Variants in PCDHA10 observed in about 807,000 individuals in gnomAD.
The protein encoded by PCDHA10 is protocadherin alpha 10.
PCDHA10 carries 45 observed loss-of-function variants against 61.2 expected under a neutral mutation model. The observed-to-expected ratio is 0.74, with a 90% CI of 0.58 to 0.94. The LOEUF is 0.94. Ranked by LOEUF, PCDHA10 falls within the 40% of genes least tolerant of loss-of-function variation. PCDHA10 has a pLI of 0.00. For synonymous variants in PCDHA10, 602 were observed against 548.8 expected (o/e 1.10, Z -1.35); for missense variants, 1,278 against 1,236.2 (o/e 1.03, Z -0.51).
intron 1 of PCDHA10, chr5:140,883,267 T>C: frequency 6.2e-7 from 1 of 1,614,048 alleles, no homozygotes. Flanking sequence ...TGGCGGGTCA[T>C]TGTACCCTTT....
At chr5:140,926,549 C>A in intron 1 of PCDHA10, 1 of 231,836 alleles carries the variant, frequency 4.3e-6, no homozygotes, top group Non-Finnish European at 8.2e-6. Flanking sequence ...GTGGTCGAGA[C>A]CCCAGCCCGC....
intron 1 of PCDHA10, among the ~76,000 whole-genome samples, chr5:140,975,004 T>C (rs1464460351): frequency 2.6e-5 from 4 of 152,170 alleles, no homozygotes; most frequent in African/African-American, 9.7e-5. Flanking sequence ...AAGGCTGAAA[T>C]GAACACAGCT....
chr5:141,010,276 TTGA>T lies in PCDHA10; in HGVS notation c.*343_*345del, dbSNP rs1554262867. On this transcript the variant is annotated 3_prime_UTR_variant, in exon 4 of 4. Transcript: ENST00000307360. ...TGCCCTGTGCTCCGGGGATCCTGTC[TTGA>T]TGACACTTGCAGGGCAGGCTGAAAA... is the stretch of plus-strand genomic sequence containing the variant. The T allele has an allele frequency of 4.5e-6, 7 of 1,551,580 alleles. No individual in the cohort carries two copies. The highest frequency in any genetic ancestry group is 6.1e-6 in the Non-Finnish European group (7 of 1,146,976).
At chr5:140,913,166 GTTC>G (rs1273182839) in intron 1 of PCDHA10, among the ~76,000 whole-genome samples, 1 of 152,160 alleles carries the variant, frequency 6.6e-6, no homozygotes, top group Non-Finnish European at 1.5e-5. Flanking sequence ...ATTGGTATTA[GTTC>G]TTCTTTAAAT....
chr5:141,008,362 G>A (rs2098372939), intron 3 of PCDHA10, among the ~76,000 whole-genome samples: 1 of 152,172 alleles, frequency 6.6e-6, no homozygotes, highest in Non-Finnish European at 1.5e-5. Flanking sequence ...AACCAAAGGA[G>A]CAGTGTTAGA....
chr5:140,962,080 T>A (rs1226617177), intron 1 of PCDHA10, among the ~76,000 whole-genome samples: 1 of 151,756 alleles, frequency 6.6e-6, no homozygotes, highest in Non-Finnish European at 1.5e-5. Context: ...AGAGACGGGG[T>A]TTCACCATGT....
intron 1 of PCDHA10, among the ~76,000 whole-genome samples, chr5:140,914,983 G>C (rs2076933598): frequency 7.2e-6 from 1 of 139,166 alleles, no homozygotes; most frequent in Non-Finnish European, 1.5e-5. Context: ...GTCTTGCTCT[G>C]CTACCAGGCT....
At chr5:140,968,756 G>T in intron 1 of PCDHA10, 1 of 1,614,202 alleles carries the variant, frequency 6.2e-7, no homozygotes, top group Non-Finnish European at 8.5e-7. Flanking sequence ...GGTGGTCCGA[G>T]ATAATGGAGA....
At chr5:140,983,977 C>T (rs566705604) in intron 3 of PCDHA10, among the ~76,000 whole-genome samples, 20 of 152,234 alleles carry the variant, frequency 1.3e-4, no homozygotes, top group Non-Finnish European at 2.4e-4. Flanking sequence ...AAAAAATATA[C>T]GAGTTGAAGC....
intron 1 of PCDHA10, among the ~76,000 whole-genome samples, chr5:140,943,307 T>C (rs1554215574): frequency 6.7e-6 from 1 of 149,570 alleles, no homozygotes; most frequent in Non-Finnish European, 1.5e-5. Flanking sequence ...TGGGAAGTCA[T>C]TATTAGCAAT....
intron 1 of PCDHA10, among the ~76,000 whole-genome samples, chr5:140,907,747 G>A (rs782672220): frequency 7.9e-5 from 12 of 152,172 alleles, no homozygotes; most frequent in Admixed American, 2.0e-4. Flanking sequence ...TGGCCACTTT[G>A]TTCATGGGCC....
intron 3 of PCDHA10, among the ~76,000 whole-genome samples, chr5:141,009,094 C>A (rs1350235475): frequency 6.6e-6 from 1 of 152,176 alleles, no homozygotes; most frequent in Non-Finnish European, 1.5e-5. Context: ...AAGAACCAAA[C>A]ATATGTTACT....
At chr5:140,909,966 G>C (rs1583724116) in intron 1 of PCDHA10, among the ~76,000 whole-genome samples, 1 of 152,202 alleles carries the variant, frequency 6.6e-6, no homozygotes, top group African/African-American at 2.4e-5. Flanking sequence ...TCTCCATGGG[G>C]AAGGATGGGA....
At chr5:140,952,797 C>T (rs782258698) in intron 1 of PCDHA10, among the ~76,000 whole-genome samples, 1 of 152,142 alleles carries the variant, frequency 6.6e-6, no homozygotes. Flanking sequence ...TTAACTGGCT[C>T]GCAGTTCTGC....
chr5:140,970,641 T>C (rs1430565577), intron 1 of PCDHA10, among the ~76,000 whole-genome samples: 1 of 152,170 alleles, frequency 6.6e-6, no homozygotes, highest in African/African-American at 2.4e-5. Context: ...GTACCATAAA[T>C]AGTGATGAAT....
chr5:140,882,404 G>T, intron 1 of PCDHA10: 1 of 1,614,152 alleles, frequency 6.2e-7, no homozygotes, highest in Non-Finnish European at 8.5e-7. Context: ...CACCTTCGTG[G>T]GCCGCATCGC....
chr5:140,967,684 G>A (rs1404001288), intron 1 of PCDHA10: 2 of 1,614,074 alleles, frequency 1.2e-6, no homozygotes, highest in Non-Finnish European at 8.5e-7. Context: ...GGGAGAGGCA[G>A]CTCTTCAGCA....
chr5:140,951,863 C>T (rs991949987), intron 1 of PCDHA10, among the ~76,000 whole-genome samples: 10 of 152,096 alleles, frequency 6.6e-5, no homozygotes, highest in Non-Finnish European at 7.3e-5. Flanking sequence ...TCCAAAGTCT[C>T]ATCTGAGACA....
At chr5:140,990,155 G>GT (rs1274867030) in intron 3 of PCDHA10, among the ~76,000 whole-genome samples, 4 of 152,076 alleles carry the variant, frequency 2.6e-5, no homozygotes, top group African/African-American at 9.7e-5. Context: ...ATAATAGAAA[G>GT]TTAGGGTATG....
Sources: allele counts gnomAD v4.1 joint callset (sites outside exome capture counted in the v4.1 genomes callset), GRCh38; gene constraint gnomAD v4.1.1; transcripts MANE v1.5; gene names NCBI Gene and HGNC (gene_info 2026-07-23, HGNC 2026-07-21).